Variants in ZNHIT6 observed in about 807,000 individuals in gnomAD.
The protein encoded by ZNHIT6 is box C/D snoRNA protein 1.
In ZNHIT6, 45 loss-of-function variants were observed where a neutral mutation model predicts 57.2. The observed-to-expected ratio is 0.79, with a 90% confidence interval of 0.62 to 1.01. The LOEUF (loss-of-function observed/expected upper bound fraction) is 1.01, where lower values mean the gene tolerates loss of function less well. ZNHIT6 is among the 50% of genes least tolerant of loss of function. The pLI is 0.00. For missense variants in ZNHIT6, 528 were observed against 567.3 expected (o/e 0.93, Z 0.70); for synonymous variants, 188 against 190.0 (o/e 0.99, Z 0.09).
intron 8 of ZNHIT6, among the ~76,000 whole-genome samples, chr1:85,659,237 G>A (rs1443133152): frequency 5.3e-5 from 8 of 152,154 alleles, no homozygotes; most frequent in Admixed American, 1.3e-4. Flanking sequence ...GTCTGAGGTG[G>A]CTGAAAATGC....
intron 5 of ZNHIT6, among the ~76,000 whole-genome samples, chr1:85,682,016 CTTTT>C (rs11394559): frequency 7.6e-6 from 1 of 132,316 alleles, no homozygotes; most frequent in Non-Finnish European, 1.5e-5. Context: ...TTTTGTTCAT[CTTTT>C]TTTTTTTTTT....
At position 85,708,387 on chromosome 1, in the gene ZNHIT6, G is replaced by C. The variant is rs370829051; in HGVS notation, c.-103C>G. ...TCGGAATACCTACGGCGGCCCACGT[G>C]TGGAGCCAAGCAGCCACAAACCCGG... On this transcript the variant is annotated 5_prime_UTR_variant, in exon 1 of 10. Transcript: ENST00000370574. 16 of 1,421,392 alleles carry C rather than the reference G, an allele frequency of 1.1e-5. No homozygotes were observed. Among genetic ancestry groups the C allele is most frequent in the Non-Finnish European group, 1.5e-5 (16 of 1,067,582 alleles). The allele number at this position is 1,421,392 out of a possible 1,614,324, so 88.0% of individuals were successfully genotyped here.
At chr1:85,676,079 G>A (rs563729210) in intron 8 of ZNHIT6, among the ~76,000 whole-genome samples, 2 of 152,304 alleles carry the variant, frequency 1.3e-5, no homozygotes, top group South Asian at 2.1e-4. Flanking sequence ...GCTCACGCCT[G>A]TAATCCCAGC....
rs1416007199 is a variant in ZNHIT6, at chr1:85,707,926, T to G, written c.359A>C (p.Glu120Ala). 6.2e-7 allele frequency: 1 copy of G among 1,613,950 alleles called. No individual in the cohort carries two copies. The highest frequency in any genetic ancestry group is 2.2e-5 in the East Asian group (1 of 44,876). ...TTTTACCACTAAACTACTATCCGTC[T>G]CCTGCTTCACCTCCAATACGCCTGC... ...ENAGVLEVKQ[E>A]TDSSLVVKEA... is the part of the protein sequence containing the mutation. The change falls in exon 1 of 10, where the codon GAG (glutamate) becomes GCG (alanine). Residue 120 changes from glutamate (E) to alanine (A), a missense_variant. Glu to Ala is a moderately radical substitution (Grantham distance 107). Transcript: ENST00000370574.
chr1:85,677,159 C>A, intron 8 of ZNHIT6, 77 bp downstream of exon 8: 1 of 1,062,452 alleles, frequency 9.4e-7, no homozygotes, highest in South Asian at 1.8e-5. Context: ...AGTTTAATAA[C>A]TTGAGCTAAT....
chr1:85,687,935 C>T (rs139476282), intron 5 of ZNHIT6, among the ~76,000 whole-genome samples: 13 of 151,360 alleles, frequency 8.6e-5, no homozygotes, highest in Non-Finnish European at 1.9e-4. Context: ...CCCAGCTACT[C>T]GGGAGGCTGA....
At chr1:85,683,823 T>C (rs998435827) in intron 5 of ZNHIT6, among the ~76,000 whole-genome samples, 4 of 152,210 alleles carry the variant, frequency 2.6e-5, no homozygotes, top group Admixed American at 6.5e-5. Context: ...GCTGATATTT[T>C]GGACTAGATA....
chr1:85,681,310 G>A (rs960397507), intron 5 of ZNHIT6, among the ~76,000 whole-genome samples: 5 of 152,294 alleles, frequency 3.3e-5, no homozygotes, highest in Admixed American at 1.3e-4. Flanking sequence ...GCATGAGTAC[G>A]TGCATTCAGT....
intron 8 of ZNHIT6, among the ~76,000 whole-genome samples, chr1:85,662,492 C>T (rs897004805): frequency 4.1e-5 from 3 of 72,662 alleles, no homozygotes; most frequent in Non-Finnish European, 9.2e-5. Flanking sequence ...AAAAGTTCAA[C>T]TAAATTATTC....
intron 4 of ZNHIT6, among the ~76,000 whole-genome samples, chr1:85,703,805 T>A (rs543179500): frequency 6.6e-6 from 1 of 152,018 alleles, no homozygotes; most frequent in South Asian, 2.1e-4. Flanking sequence ...ACTAAGAACA[T>A]CCATTCACCA....
At chr1:85,665,874 T>C (rs1225484397) in intron 8 of ZNHIT6, among the ~76,000 whole-genome samples, 1 of 152,360 alleles carries the variant, frequency 6.6e-6, no homozygotes. Context: ...GGTATTATTT[T>C]AGAGTTGGCA....
At chr1:85,655,374 A>G (rs538249445) in intron 9 of ZNHIT6, among the ~76,000 whole-genome samples, 2 of 152,164 alleles carry the variant, frequency 1.3e-5, no homozygotes, top group Non-Finnish European at 2.9e-5. Context: ...CTGGCCCAAT[A>G]AGAGACTGAT....
chr1:85,666,171 ATG>A (rs1190915360), intron 8 of ZNHIT6, among the ~76,000 whole-genome samples: 4 of 152,208 alleles, frequency 2.6e-5, no homozygotes, highest in Non-Finnish European at 5.9e-5. Flanking sequence ...AAGAAAGTAT[ATG>A]TGTAAGGTAA....
chr1:85,655,729 T>C (rs1040984271), intron 9 of ZNHIT6, among the ~76,000 whole-genome samples: 1 of 152,128 alleles, frequency 6.6e-6, no homozygotes, highest in Non-Finnish European at 1.5e-5. Context: ...ACTGGACTGA[T>C]ATAAGGTAGG....
At chr1:85,654,386 C>T (rs1381318855) in intron 9 of ZNHIT6, among the ~76,000 whole-genome samples, 1 of 152,134 alleles carries the variant, frequency 6.6e-6, no homozygotes, top group African/African-American at 2.4e-5. Flanking sequence ...ATTCATGCCA[C>T]TGAATAGATC....
At chr1:85,667,992 C>G (rs2100660825) in intron 8 of ZNHIT6, among the ~76,000 whole-genome samples, 1 of 86,490 alleles carries the variant, frequency 1.2e-5, no homozygotes, top group Admixed American at 1.5e-4. Flanking sequence ...ATATGCTCTG[C>G]TTTCTAAGTT....
chr1:85,663,705 T>C (rs753512454), intron 8 of ZNHIT6, among the ~76,000 whole-genome samples: 3 of 152,222 alleles, frequency 2.0e-5, no homozygotes, highest in Non-Finnish European at 4.4e-5. Context: ...TAGTTAGTAC[T>C]CTTTTCAAGA....
chr1:85,692,376 C>T (rs1350087002), intron 5 of ZNHIT6, among the ~76,000 whole-genome samples: 1 of 152,198 alleles, frequency 6.6e-6, no homozygotes, highest in Non-Finnish European at 1.5e-5. Flanking sequence ...CAAGAACTCC[C>T]TTACCACTGT....
chr1:85,665,587 G>T (rs545827889), intron 8 of ZNHIT6, among the ~76,000 whole-genome samples: 2 of 151,930 alleles, frequency 1.3e-5, no homozygotes, highest in Non-Finnish European at 2.9e-5. Flanking sequence ...ATACAGTATT[G>T]TTAATTATTT....
Sources: allele counts gnomAD v4.1 joint callset (sites outside exome capture counted in the v4.1 genomes callset), GRCh38; gene constraint gnomAD v4.1.1; transcripts MANE v1.5; gene names NCBI Gene and HGNC (gene_info 2026-07-23, HGNC 2026-07-21).